The following WDFY1 variants were observed in gnomAD, a reference collection of about 807,000 sequenced individuals.
WDFY1 encodes the protein WD repeat and FYVE domain containing 1.
Under a neutral mutation model 56.4 loss-of-function variants are expected in WDFY1, and 32 were observed. That is an observed-to-expected ratio of 0.57 (90% CI 0.43 to 0.76). WDFY1 has a LOEUF of 0.76. WDFY1 is among the 30% of genes least tolerant of loss of function. The pLI is 0.00. For synonymous variants in WDFY1, 192 were observed against 197.3 expected (o/e 0.97, Z 0.23); for missense variants, 480 against 545.7 (o/e 0.88, Z 1.20).
At chr2:223,883,645 A>G (rs1693113773) in intron 9 of WDFY1, among the ~76,000 whole-genome samples, 1 of 151,896 alleles carries the variant, frequency 6.6e-6, no homozygotes, top group Non-Finnish European at 1.5e-5. Context: ...GATTTTATTT[A>G]TTAATTAATT....
chr2:223,894,175 A>G, intron 8 of WDFY1, 59 bp downstream of exon 8: 1 of 1,582,550 alleles, frequency 6.3e-7, no homozygotes, highest in Non-Finnish European at 8.7e-7. Flanking sequence ...AAAAGCCAAG[A>G]AGAAGCCAGG....
intron 1 of WDFY1, among the ~76,000 whole-genome samples, chr2:223,937,712 A>G (rs1436882862): frequency 6.6e-6 from 1 of 152,230 alleles, no homozygotes; most frequent in African/African-American, 2.4e-5. Context: ...GGATCACCCT[A>G]ACAATACAGG....
chr2:223,915,932 T>G (rs1403676766), intron 2 of WDFY1, among the ~76,000 whole-genome samples: 1 of 152,194 alleles, frequency 6.6e-6, no homozygotes, highest in Non-Finnish European at 1.5e-5. Flanking sequence ...TATCTCAAGG[T>G]GAGAATTTAG....
intron 1 of WDFY1, among the ~76,000 whole-genome samples, chr2:223,931,378 C>A (rs1694069369): frequency 6.6e-6 from 1 of 152,094 alleles, no homozygotes; most frequent in Non-Finnish European, 1.5e-5. Flanking sequence ...GGAGTTATAA[C>A]CACAGTTATG....
At chr2:223,910,300 T>C (rs1239790206) in intron 3 of WDFY1, among the ~76,000 whole-genome samples, 4 of 152,050 alleles carry the variant, frequency 2.6e-5, no homozygotes, top group Admixed American at 6.6e-5. Flanking sequence ...ACTATAAAAC[T>C]CTCAGAAGAA....
chr2:223,919,414 T>C (rs923648213), intron 1 of WDFY1, among the ~76,000 whole-genome samples: 1 of 152,224 alleles, frequency 6.6e-6, no homozygotes, highest in African/African-American at 2.4e-5. Context: ...TTTCATTATG[T>C]TGGCCAGGCT....
intron 2 of WDFY1, among the ~76,000 whole-genome samples, chr2:223,916,595 C>T (rs1422484820): frequency 6.6e-6 from 1 of 152,132 alleles, no homozygotes; most frequent in Non-Finnish European, 1.5e-5. Flanking sequence ...GACGAAACCT[C>T]AAGGAAATTA....
intron 1 of WDFY1, among the ~76,000 whole-genome samples, chr2:223,924,266 A>G (rs1321572851): frequency 6.6e-6 from 1 of 152,224 alleles, no homozygotes; most frequent in East Asian, 1.9e-4. Flanking sequence ...AAGGACTTGC[A>G]TATAGCTGCA....
intron 1 of WDFY1, among the ~76,000 whole-genome samples, chr2:223,942,265 G>A (rs1689317761): frequency 6.6e-6 from 1 of 151,894 alleles, no homozygotes. Flanking sequence ...TATCGCCCAG[G>A]CTGGAGTGCA....
At chr2:223,918,361 G>A (rs756472285) in intron 1 of WDFY1, among the ~76,000 whole-genome samples, 2 of 152,132 alleles carry the variant, frequency 1.3e-5, no homozygotes, top group African/African-American at 2.4e-5. Flanking sequence ...AGGCGCGGTG[G>A]CTCACGCCTA....
At chr2:223,882,367 C>A (rs1011875112) in intron 9 of WDFY1, among the ~76,000 whole-genome samples, 1 of 152,200 alleles carries the variant, frequency 6.6e-6, no homozygotes, top group Non-Finnish European at 1.5e-5. Flanking sequence ...CCTGCCTCAG[C>A]CTCCCAAAGT....
intron 5 of WDFY1, 69 bp downstream of exon 5, chr2:223,901,114 T>G: frequency 1.5e-3 from 2,232 of 1,491,190 alleles, no homozygotes; most frequent in Non-Finnish European, 1.8e-3. Context: ...CCATTTGGGA[T>G]GAGATTCAGA....
chr2:223,916,681 G>C (rs61126837), intron 2 of WDFY1, among the ~76,000 whole-genome samples: 2,396 of 152,214 alleles, frequency 0.016, 57 homozygotes, highest in African/African-American at 0.054. Flanking sequence ...ATGACATCCA[G>C]GCATTCTCTA....
At chr2:223,919,912 C>T (rs2106093705) in intron 1 of WDFY1, among the ~76,000 whole-genome samples, 1 of 152,286 alleles carries the variant, frequency 6.6e-6, no homozygotes, top group Non-Finnish European at 1.5e-5. Context: ...TAGCACTTCC[C>T]AGGAGGTTCA....
chr2:223,929,649 A>C (rs1447760051), intron 1 of WDFY1, among the ~76,000 whole-genome samples: 1 of 152,176 alleles, frequency 6.6e-6, no homozygotes, highest in Non-Finnish European at 1.5e-5. Context: ...CTCTAAAAAA[A>C]ATTTAAAAAA....
intron 1 of WDFY1, among the ~76,000 whole-genome samples, chr2:223,926,314 C>T (rs183327598): frequency 6.6e-6 from 1 of 152,188 alleles, no homozygotes; most frequent in African/African-American, 2.4e-5. Flanking sequence ...ACCTGGCTAA[C>T]TTTTTTAAGG....
chr2:223,904,230 T>C (rs1225468578), intron 4 of WDFY1, among the ~76,000 whole-genome samples: 4 of 152,146 alleles, frequency 2.6e-5, no homozygotes, highest in Non-Finnish European at 5.9e-5. Context: ...TGGTCATTGT[T>C]ATATCACTTT....
chr2:223,899,126 A>T, intron 5 of WDFY1, 56 bp from the exon 6 acceptor site: 1 of 1,396,826 alleles, frequency 7.2e-7, no homozygotes, highest in Non-Finnish European at 1.0e-6. Flanking sequence ...TCCTCTCATA[A>T]GAGAGATACC....
chr2:223,882,163 G>A, intron 9 of WDFY1, 91 bp from the exon 10 acceptor site: 12 of 1,461,162 alleles, frequency 8.2e-6, no homozygotes, highest in Non-Finnish European at 1.0e-5. Flanking sequence ...CACCCAGGCT[G>A]GAGTGCAGTG....
Sources: gnomAD v4.1 joint callset for allele counts (sites outside exome capture counted in the v4.1 genomes callset) on GRCh38, gnomAD v4.1.1 for gene constraint, MANE v1.5 for transcripts, NCBI Gene and HGNC (gene_info 2026-07-23, HGNC 2026-07-21) for gene names.